The following TOP3A variants were observed in gnomAD, a reference collection of about 807,000 sequenced individuals.
TOP3A encodes the protein DNA topoisomerase III alpha.
TOP3A carries 64 observed loss-of-function variants against 111.3 expected under a neutral mutation model. That is an observed-to-expected ratio of 0.57 (90% CI 0.47 to 0.71). The LOEUF is 0.71. Ranked by LOEUF, TOP3A falls within the 30% of genes least tolerant of loss-of-function variation. The pLI is 0.00. For missense variants in TOP3A, 1,104 were observed against 1,285.0 expected, an observed-to-expected ratio of 0.86 and a Z score of 2.15; for synonymous variants, 484 against 485.1, an observed-to-expected ratio of 1.00 and a Z score of 0.03.
chr17:18,274,532 T>TG lies in TOP3A; in HGVS notation c.*269dup. Reference sequence around the variant, plus strand: ...ATCCTCTGCTAACAGCAACCATCCTTGGGGGGTCCGAGGGAGCAGCTGCGT... The same window carrying TG: ...ATCCTCTGCTAACAGCAACCATCCTTGGGGGGGTCCGAGGGAGCAGCTGCGT... On this transcript the variant is annotated 3_prime_UTR_variant, in exon 19 of 19. Transcript: ENST00000321105. The TG allele has an allele frequency of 3.0e-6, 1 of 330,758 alleles. No homozygotes were observed. The highest frequency in any genetic ancestry group is 5.5e-6 in the Non-Finnish European group (1 of 183,192). 20.5% of individuals were successfully genotyped at this position (330,758 alleles called of 1,614,324 possible). A position where few individuals can be genotyped will look rare whatever the true frequency, so the allele number is the denominator to read the frequency against.
chr17:18,275,275 C>A (rs1005212675), intron 18 of TOP3A, among the ~76,000 whole-genome samples: 7 of 110,632 alleles, frequency 6.3e-5, no homozygotes, highest in Admixed American at 1.3e-4. Flanking sequence ...GCCTGGGCAA[C>A]AGAGCAAGAC....
At chr17:18,291,862 T>C (rs1980496193) in intron 11 of TOP3A, among the ~76,000 whole-genome samples, 1 of 152,056 alleles carries the variant, frequency 6.6e-6, no homozygotes, top group Non-Finnish European at 1.5e-5. Context: ...TACAGGCACA[T>C]GCCACCCCGT....
At chr17:18,294,440 C>G (rs1282365260) in intron 10 of TOP3A, among the ~76,000 whole-genome samples, 1 of 152,092 alleles carries the variant, frequency 6.6e-6, no homozygotes, top group Non-Finnish European at 1.5e-5. Context: ...AACGGTTCTC[C>G]TGCCTCAGCC....
rs1187576241 is a variant in TOP3A at position 18,306,761 on chromosome 17, C to CTT, written c.390+128_390+129dup. On this transcript the variant is annotated intron_variant, in intron 4 of 18. Transcript: ENST00000321105. ...CATTTATACAATGGGTGGGAACCAG[C>CTT]TTTTTAAATCATGGTAGTGACTTTG... 5.9e-6 allele frequency: 4 copies of CTT among 676,966 alleles called. No individual in the cohort carries two copies. The African/African-American group carries it at 7.2e-5, about 12-fold the overall frequency. 41.9% of individuals were successfully genotyped at this position (676,966 alleles called of 1,614,324 possible).
chr17:18,288,797 C>CT (rs1980286198), intron 13 of TOP3A, among the ~76,000 whole-genome samples: 1 of 152,212 alleles, frequency 6.6e-6, no homozygotes, highest in Non-Finnish European at 1.5e-5. Context: ...TGCCTACTCC[C>CT]TGCAGAACTA....
At chr17:18,280,463 G>T in intron 17 of TOP3A, 73 bp downstream of exon 17, 1 of 1,546,160 alleles carries the variant, frequency 6.5e-7, no homozygotes, top group South Asian at 1.2e-5. Flanking sequence ...CTCCTCTCTG[G>T]GTTCTGGCAG....
rs1979146503 is a variant in TOP3A, at chr17:18,273,765, AC to A, written c.*1036del. 6.6e-6 allele frequency among the ~76,000 whole-genome samples: 1 copy of A among 151,990 alleles called. No individual in the cohort carries two copies. The highest frequency in any genetic ancestry group is 6.6e-5 in the Admixed American group (1 of 15,254). On this transcript the variant is annotated 3_prime_UTR_variant, in exon 19 of 19. Coordinates refer to ENST00000321105, the MANE Select transcript of TOP3A (RefSeq NM_004618.5). ...CCACTTCAGCCTCCTGAGCAGCTGA[AC>A]TAAAGACGTGTACAACTGTGCTTGT...
At chr17:18,298,866 A>T (rs1981036482) in intron 9 of TOP3A, among the ~76,000 whole-genome samples, 1 of 152,022 alleles carries the variant, frequency 6.6e-6, no homozygotes, top group African/African-American at 2.4e-5. Flanking sequence ...CATGCTCCTT[A>T]AGAGTCATCA....
chr17:18,293,335 G>C (rs1367241077), intron 10 of TOP3A, among the ~76,000 whole-genome samples: 1 of 152,232 alleles, frequency 6.6e-6, no homozygotes, highest in East Asian at 1.9e-4. Flanking sequence ...ACCCAGGCTG[G>C]AGTGTAGCAG....
chr17:18,285,625 G>T, intron 13 of TOP3A, 105 bp from the exon 14 acceptor site: 1 of 862,780 alleles, frequency 1.2e-6, no homozygotes, highest in Non-Finnish European at 1.8e-6. Context: ...TGCCTGGACA[G>T]CCTATGCAGG....
At chr17:18,308,201 C>T in intron 3 of TOP3A, 150 bp downstream of exon 3, 1 of 457,508 alleles carries the variant, frequency 2.2e-6, no homozygotes, top group Non-Finnish European at 3.7e-6. Context: ...GACAGAGTCT[C>T]ACTCTGAAAC....
chr17:18,314,581 C>G lies in TOP3A; in HGVS notation c.180+18G>C, dbSNP rs767606553. ...GCCTCCCTTAAGGCACGCAGCTGAT[C>G]GGAACGCGCTTTCTTACCCGCCTCA... On this transcript the variant is annotated intron_variant, in intron 1 of 18. Coordinates refer to ENST00000321105, the MANE Select transcript of TOP3A (RefSeq NM_004618.5). 6 of 1,599,160 alleles carry G rather than the reference C, an allele frequency of 3.8e-6. No individual in the cohort carries two copies. The highest frequency in any genetic ancestry group is 2.2e-5 in the South Asian group (2 of 89,662).
In TOP3A at chr17:18,314,589, G is replaced by C. The variant is rs17805992; in HGVS notation, c.180+10C>G. ...TAAGGCACGCAGCTGATCGGAACGC[G>C]CTTTCTTACCCGCCTCATGCGACCG... On this transcript the variant is annotated intron_variant, in intron 1 of 18. Coordinates refer to ENST00000321105, the MANE Select transcript of TOP3A (RefSeq NM_004618.5). 6.5e-3 allele frequency: 10,503 copies of C among 1,604,530 alleles called. 38 individuals carry two copies. Among genetic ancestry groups the C allele is most frequent in the Non-Finnish European group, 7.8e-3 (9,137 of 1,173,548 alleles).
chr17:18,290,745 A>G (rs895910288), intron 12 of TOP3A, 59 bp from the exon 13 acceptor site: 1 of 1,577,146 alleles, frequency 6.3e-7, no homozygotes, highest in East Asian at 2.3e-5. Context: ...CAGGCAAAAA[A>G]TAACCTCATT....
At chr17:18,308,859 T>G in intron 2 of TOP3A, 23 bp downstream of exon 2, 1 of 1,475,026 alleles carries the variant, frequency 6.8e-7, no homozygotes, top group Admixed American at 2.0e-5. Context: ...ATTGAAATAT[T>G]TTAGAAATAT....
At chr17:18,292,939 C>T in intron 10 of TOP3A, 87 bp from the exon 11 acceptor site, 1 of 1,293,654 alleles carries the variant, frequency 7.7e-7, no homozygotes, top group Non-Finnish European at 1.1e-6. Context: ...CTAACACCTG[C>T]AAACACTCAT....
rs113732605 is a variant in TOP3A at position 18,283,097 on chromosome 17, T to G, written c.1878-256A>C. Among the ~76,000 whole-genome samples the G allele has an allele frequency of 2.8e-3, 421 of 152,202 alleles. 5 individuals carry two copies. The highest frequency in any genetic ancestry group is 9.5e-3 in the African/African-American group (393 of 41,526). On this transcript the variant is annotated intron_variant, in intron 15 of 18. Transcript: ENST00000321105. ...ACCAGCCCACATTAAAAAGTAAAAC[T>G]GGGCCAAATGTGGTGGCTCACGCCT...
intron 1 of TOP3A, among the ~76,000 whole-genome samples, chr17:18,311,269 G>T (rs1281607503): frequency 6.6e-6 from 1 of 150,394 alleles, no homozygotes; most frequent in East Asian, 2.0e-4. Flanking sequence ...CAGAGTGCTG[G>T]GATTACAGGT....
intron 5 of TOP3A, among the ~76,000 whole-genome samples, chr17:18,303,694 G>A (rs1981379289): frequency 1.3e-5 from 2 of 152,004 alleles, no homozygotes. Flanking sequence ...TTGTTTTCCT[G>A]CTGACCCTCT....
Sources: gnomAD v4.1 joint callset for allele counts (sites outside exome capture counted in the v4.1 genomes callset) on GRCh38, gnomAD v4.1.1 for gene constraint, MANE v1.5 for transcripts, NCBI Gene and HGNC (gene_info 2026-07-23, HGNC 2026-07-21) for gene names.